DUSP16: variants seen among roughly 807,000 people sequenced by gnomAD.
The protein encoded by DUSP16 is dual specificity protein phosphatase 16.
In DUSP16, 21 loss-of-function variants were observed where a neutral mutation model predicts 58.3. That is an observed-to-expected ratio of 0.36 (90% CI 0.26 to 0.52). The LOEUF is 0.52. Ranked by LOEUF, DUSP16 falls within the 20% of genes least tolerant of loss-of-function variation. DUSP16 has a pLI of 0.94. For synonymous variants in DUSP16, 320 were observed against 323.8 expected (o/e 0.99, Z 0.12); for missense variants, 726 against 819.0 (o/e 0.89, Z 1.39).
chr12:12,513,854 CAT>C (rs1944111650), intron 3 of DUSP16, among the ~76,000 whole-genome samples: 1 of 152,060 alleles, frequency 6.6e-6, no homozygotes, highest in Non-Finnish European at 1.5e-5. Context: ...CTTTTTTTCA[CAT>C]ATATTTACTT....
At chr12:12,537,424 T>C (rs953363669) in intron 1 of DUSP16, among the ~76,000 whole-genome samples, 2 of 152,224 alleles carry the variant, frequency 1.3e-5, no homozygotes, top group African/African-American at 4.8e-5. Context: ...TATGATTCAG[T>C]ACCAGGCAAT....
At chr12:12,527,237 G>A (rs1383004976) in intron 1 of DUSP16, among the ~76,000 whole-genome samples, 1 of 152,098 alleles carries the variant, frequency 6.6e-6, no homozygotes, top group Non-Finnish European at 1.5e-5. Context: ...ATACCGAAAT[G>A]CCTTTCAATA....
chr12:12,547,356 G>A (rs542489076), intron 1 of DUSP16, among the ~76,000 whole-genome samples: 83 of 151,574 alleles, frequency 5.5e-4, no homozygotes, highest in African/African-American at 2.0e-3. Flanking sequence ...TTGAACCCGG[G>A]TGGAGGTTGC....
At chr12:12,538,208 A>T (rs1944498903) in intron 1 of DUSP16, among the ~76,000 whole-genome samples, 1 of 152,156 alleles carries the variant, frequency 6.6e-6, no homozygotes, top group Non-Finnish European at 1.5e-5. Context: ...CTTTCTCTCA[A>T]TGTTCACATT....
At chr12:12,500,710 A>G in intron 3 of DUSP16, 28 bp from the exon 4 acceptor site, 1 of 1,505,912 alleles carries the variant, frequency 6.6e-7, no homozygotes, top group Non-Finnish European at 8.8e-7. Flanking sequence ...AAAATTATAA[A>G]AAATTATGCC....
Position 12,521,277 on chromosome 12 carries a change from CT to C in DUSP16, c.-180del. Reference sequence around the variant, plus strand: ...GCAAGAGCCCTCCAAGTGAATGTCTCTTTCTCTTTCCCGTTGATGTGCTCTT... The same window carrying C: ...GCAAGAGCCCTCCAAGTGAATGTCTCTTCTCTTTCCCGTTGATGTGCTCTT... On this transcript the variant is annotated 5_prime_UTR_variant, in exon 2 of 7. Coordinates refer to ENST00000298573, the MANE Select transcript of DUSP16 (RefSeq NM_030640.3). The C allele has an allele frequency of 6.9e-7, 1 of 1,438,950 alleles. No individual in the cohort carries two copies. Among genetic ancestry groups the C allele is most frequent in the South Asian group, 1.5e-5 (1 of 67,056 alleles). 89.1% of individuals were successfully genotyped at this position (1,438,950 alleles called of 1,614,324 possible).
chr12:12,546,460 A>C (rs1319123130), intron 1 of DUSP16, among the ~76,000 whole-genome samples: 2 of 152,246 alleles, frequency 1.3e-5, no homozygotes, highest in African/African-American at 4.8e-5. Context: ...CCATTATGGC[A>C]ACTTTCCACA....
chr12:12,510,098 G>A (rs1279522660), intron 3 of DUSP16, among the ~76,000 whole-genome samples: 1 of 152,032 alleles, frequency 6.6e-6, no homozygotes, highest in Non-Finnish European at 1.5e-5. Context: ...CCTAAATGGC[G>A]CAGGACTCCA....
rs548829186 is a variant in DUSP16, at chr12:12,503,022, A to C, written c.368-2340T>G. Reference sequence around the variant, plus strand: ...GTAAGAACACAAGCCCTTGTACCTGAGTTCCTGTCCTGGCTTTACCACTTT... The same window carrying C: ...GTAAGAACACAAGCCCTTGTACCTGCGTTCCTGTCCTGGCTTTACCACTTT... On this transcript the variant is annotated intron_variant, in intron 3 of 6. Transcript: ENST00000298573. Among the ~76,000 whole-genome samples, 3 of 152,162 alleles carry C rather than the reference A, an allele frequency of 2.0e-5. No individual in the cohort carries two copies. The East Asian group carries it at 5.8e-4, about 29-fold the overall frequency.
intron 3 of DUSP16, among the ~76,000 whole-genome samples, chr12:12,515,618 G>A (rs1944137465): frequency 1.3e-5 from 2 of 149,510 alleles, no homozygotes; most frequent in Admixed American, 6.7e-5. Flanking sequence ...GTGAGCCACC[G>A]CACCTGGCCA....
intron 1 of DUSP16, among the ~76,000 whole-genome samples, chr12:12,540,818 A>C (rs1283254547): frequency 6.6e-6 from 1 of 152,126 alleles, no homozygotes; most frequent in Non-Finnish European, 1.5e-5. Context: ...GCAAACTTCT[A>C]CTAATTCTGG....
At chr12:12,503,469 C>T (rs1025824752) in intron 3 of DUSP16, among the ~76,000 whole-genome samples, 1 of 152,150 alleles carries the variant, frequency 6.6e-6, no homozygotes, top group Non-Finnish European at 1.5e-5. Flanking sequence ...AGGTGATCTG[C>T]CCACCTCGGC....
chr12:12,493,364 A>T (rs1019017286), intron 4 of DUSP16, among the ~76,000 whole-genome samples: 1 of 152,098 alleles, frequency 6.6e-6, no homozygotes, highest in Non-Finnish European at 1.5e-5. Flanking sequence ...ACTTCAACAC[A>T]TTACCATGGA....
chr12:12,480,682 A>G (rs905399734), intron 5 of DUSP16, among the ~76,000 whole-genome samples: 7 of 152,128 alleles, frequency 4.6e-5, no homozygotes, highest in East Asian at 1.9e-4. Context: ...TGACACTTCA[A>G]ATTTTTCCCT....
At chr12:12,549,994 T>G (rs1944702322) in intron 1 of DUSP16, among the ~76,000 whole-genome samples, 1 of 152,148 alleles carries the variant, frequency 6.6e-6, no homozygotes, top group Non-Finnish European at 1.5e-5. Context: ...CTTTATTGAT[T>G]TAGATGCGTG....
At chr12:12,525,761 C>CACACA (rs931575352) in intron 1 of DUSP16, among the ~76,000 whole-genome samples, 1 of 147,176 alleles carries the variant, frequency 6.8e-6, no homozygotes, top group Non-Finnish European at 1.5e-5. Flanking sequence ...CACACACACA[C>CACACA]AATTTTCCCC....
intron 1 of DUSP16, among the ~76,000 whole-genome samples, chr12:12,529,088 T>C (rs575650220): frequency 2.8e-4 from 43 of 152,342 alleles, no homozygotes; most frequent in African/African-American, 9.9e-4. Flanking sequence ...TTGGAAATGA[T>C]GCATTTCCAG....
At position 12,476,923 on chromosome 12, in the gene DUSP16, G is replaced by A. The variant is rs954861189; in HGVS notation, c.1908C>T (p.Ile636=). 2 of 1,614,078 alleles carry A rather than the reference G, an allele frequency of 1.2e-6. No individual in the cohort carries two copies. The highest frequency in any genetic ancestry group is 1.7e-6 in the Non-Finnish European group (2 of 1,180,040). Residue 636 remains isoleucine (I), a synonymous_variant, in exon 7 of 7, where the codon ATC becomes ATT. Transcript: ENST00000298573. ...CTTCCCGTGACCTGTTCTCTGACAT[G>A]ATGCTCTCTCCAAATTCCATTTGGC... is the stretch of plus-strand genomic sequence containing the variant. ...RSCQMEFGES[I]MSENRSREEL... is the part of the protein sequence containing the mutation.
chr12:12,562,073 C>A (rs1944912795), intron 1 of DUSP16, 44 bp downstream of exon 1: 1 of 150,586 alleles, frequency 6.6e-6, no homozygotes. Flanking sequence ...GGGCCCCGCA[C>A]CCTCCCGCCC....
Sources: gnomAD v4.1 joint callset for allele counts (sites outside exome capture counted in the v4.1 genomes callset) on GRCh38, gnomAD v4.1.1 for gene constraint, MANE v1.5 for transcripts, NCBI Gene and HGNC (gene_info 2026-07-23, HGNC 2026-07-21) for gene names.